CCT6B: variants seen among roughly 807,000 people sequenced by gnomAD.
The protein encoded by CCT6B is probable T-complex protein 1 subunit zeta-2.
CCT6B carries 49 observed loss-of-function variants against 61.5 expected under a neutral mutation model. The ratio of observed to expected loss-of-function variants is 0.80; its 90% CI spans 0.63 to 1.01. The LOEUF is 1.01. Ranked by LOEUF, CCT6B falls within the 50% of genes least tolerant of loss-of-function variation. The probability of loss-of-function intolerance (pLI) is 0.00; values close to 1 mark genes in which losing one functional copy is unlikely to be tolerated. For missense variants in CCT6B, 666 were observed against 634.7 expected (o/e 1.05, Z -0.53); for synonymous variants, 228 against 214.5 (o/e 1.06, Z -0.55).
Position 34,940,617 on chromosome 17 carries a change from A to C in CCT6B, c.890T>G (p.Ile297Ser), listed in dbSNP as rs1384434429. ...AAGAGAATCTAAGGAAAATGGATCAATTCCCTATAATCAAATTAACATAAA... is the reference window on the plus strand; with the variant it reads ...AAGAGAATCTAAGGAAAATGGATCACTTCCCTATAATCAAATTAACATAAA... ...KGFVVINQKG[I>S]DPFSLDSLAK... The change falls in exon 8 of 14, where the codon ATT (isoleucine) becomes AGT (serine). Residue 297 changes from isoleucine to serine, a missense_variant. Physicochemically the swap from Ile to Ser is moderately radical, Grantham distance 142. Coordinates refer to ENST00000314144, the MANE Select transcript of CCT6B (RefSeq NM_006584.4). The C allele has an allele frequency of 6.8e-7, 1 of 1,474,338 alleles. No homozygotes were observed. Among genetic ancestry groups the C allele is most frequent in the Non-Finnish European group, 9.4e-7 (1 of 1,069,330 alleles). The allele number at this position is 1,474,338 out of a possible 1,614,324, so 91.3% of individuals were successfully genotyped here.
intron 5 of CCT6B, chr17:34,944,264 T>G (rs1327277585): frequency 6.6e-6 from 1 of 152,144 alleles, no homozygotes; most frequent in Non-Finnish European, 1.5e-5. Context: ...CACTTGCACT[T>G]GACCCTGAAC....
chr17:34,952,045 C>T lies in CCT6B; in HGVS notation c.519G>A (p.Val173=), dbSNP rs1316229399. 5 of 1,594,544 alleles carry T rather than the reference C, an allele frequency of 3.1e-6. No individual in the cohort carries two copies. The East Asian group carries it at 9.0e-5, about 29-fold the overall frequency. The change falls in exon 5 of 14, where the codon GTG becomes GTA. Residue 173 remains valine, a synonymous_variant. Coordinates refer to ENST00000314144, the MANE Select transcript of CCT6B (RefSeq NM_006584.4). ...GTCTTCTAACAGCCAAAACAGAATC[C>T]ACCACAACCTGAAAGAGAAATGAAT... ...ELADVLTEVV[V]DSVLAVRRPG... is the part of the protein sequence containing the mutation.
chr17:34,950,346 T>C (rs1286101232), intron 5 of CCT6B, among the ~76,000 whole-genome samples: 1 of 151,590 alleles, frequency 6.6e-6, no homozygotes, highest in African/African-American at 2.4e-5. Context: ...AAAAAGTAAA[T>C]TAAATAATAA....
intron 4 of CCT6B, 26 bp from the exon 5 acceptor site, chr17:34,952,079 T>C: frequency 1.4e-6 from 2 of 1,382,532 alleles, no homozygotes; most frequent in Non-Finnish European, 2.1e-6. Context: ...ATGAGAACAG[T>C]TAAGTTATTT....
At chr17:34,932,528 A>T (rs566847617) in intron 10 of CCT6B, 28 bp from the exon 11 acceptor site, 1 of 1,576,562 alleles carries the variant, frequency 6.3e-7, no homozygotes, top group East Asian at 2.3e-5. Flanking sequence ...TATGATTGGC[A>T]AGACATGCCA....
intron 10 of CCT6B, among the ~76,000 whole-genome samples, chr17:34,938,482 G>C (rs765031610): frequency 1.3e-5 from 2 of 152,104 alleles, no homozygotes; most frequent in Non-Finnish European, 2.9e-5. Context: ...CTTGAGCACA[G>C]GGGTTTGAGG....
chr17:34,948,480 C>T (rs1457113776), intron 5 of CCT6B, among the ~76,000 whole-genome samples: 5 of 151,982 alleles, frequency 3.3e-5, no homozygotes, highest in East Asian at 1.9e-4. Context: ...TTTGGGAGGC[C>T]GAGGAGGGTG....
At chr17:34,935,022 A>G (rs191550735) in intron 10 of CCT6B, among the ~76,000 whole-genome samples, 1 of 152,352 alleles carries the variant, frequency 6.6e-6, no homozygotes, top group East Asian at 1.9e-4. Flanking sequence ...CGTTTCCAAT[A>G]ATAGACAAAT....
rs969932610 is a variant in CCT6B, at chr17:34,949,256, G to C, written c.614+2694C>G. On this transcript the variant is annotated intron_variant, in intron 5 of 13. Transcript: ENST00000314144. ...GGATCGCCTGAGGTCGGGAGTTCAAGACCAGCCGGACCAACATGGAGAAAC... is the reference window on the plus strand; with the variant it reads ...GGATCGCCTGAGGTCGGGAGTTCAACACCAGCCGGACCAACATGGAGAAAC... 5.3e-5 allele frequency among the ~76,000 whole-genome samples: 8 copies of C among 151,826 alleles called. 1 individual carries two copies. The highest frequency in any genetic ancestry group is 1.9e-4 in the African/African-American group (8 of 41,408).
At chr17:34,948,953 T>C (rs2090257646) in intron 5 of CCT6B, among the ~76,000 whole-genome samples, 1 of 151,242 alleles carries the variant, frequency 6.6e-6, no homozygotes, top group Non-Finnish European at 1.5e-5. Context: ...GAGGATCACT[T>C]GAGCCCAGGT....
At position 34,939,196 on chromosome 17, in the gene CCT6B, A is replaced by T; in HGVS notation, c.1200T>A (p.Asn400Lys). 1 of 1,613,724 alleles carries T rather than the reference A, an allele frequency of 6.2e-7. No homozygotes were observed. Among genetic ancestry groups the T allele is most frequent in the Non-Finnish European group, 8.5e-7 (1 of 1,179,826 alleles). The change falls in exon 10 of 14, where the codon AAT (asparagine) becomes AAA (lysine). Residue 400 changes from asparagine to lysine, a missense_variant. Physicochemically the swap from Asn to Lys is moderately conservative, Grantham distance 94. Transcript: ENST00000314144. ...GAAAGAGCTTACCATCTTCAATGGC[A>T]TTTTTGATAGCACGAAGTCCATCTC... ...AIRDGLRAIK[N>K]AIEDGCMVPG...
At chr17:34,936,397 C>A (rs1275864019) in intron 10 of CCT6B, among the ~76,000 whole-genome samples, 1 of 152,144 alleles carries the variant, frequency 6.6e-6, no homozygotes, top group East Asian at 1.9e-4. Context: ...GAAAGGATGT[C>A]CATTCTCATT....
At chr17:34,930,506 C>T (rs188266757) in intron 12 of CCT6B, among the ~76,000 whole-genome samples, 195 of 152,226 alleles carry the variant, frequency 1.3e-3, no homozygotes, top group Middle Eastern at 3.4e-3. Flanking sequence ...CACTTCCTTC[C>T]ACTTTTTTTC....
At chr17:34,928,913 A>G in intron 13 of CCT6B, 49 bp downstream of exon 13, 1 of 1,045,856 alleles carries the variant, frequency 9.6e-7, no homozygotes, top group South Asian at 1.4e-5. Flanking sequence ...TCTTAATATT[A>G]TCAATTATAA....
At chr17:34,942,765 T>G in intron 6 of CCT6B, 31 bp downstream of exon 6, 1 of 1,535,998 alleles carries the variant, frequency 6.5e-7, no homozygotes, top group Non-Finnish European at 8.9e-7. Context: ...AAAAAAAAAT[T>G]CAAAAGTTAT....
intron 3 of CCT6B, among the ~76,000 whole-genome samples, chr17:34,955,994 C>T (rs182175797): frequency 5.3e-5 from 8 of 152,286 alleles, no homozygotes; most frequent in African/African-American, 1.7e-4. Context: ...AATCTCTCAT[C>T]CAGACTATCA....
intron 5 of CCT6B, chr17:34,943,725 T>G (rs1174447518): frequency 6.6e-6 from 1 of 151,388 alleles, no homozygotes; most frequent in Non-Finnish European, 1.5e-5. Flanking sequence ...GTAACAAACC[T>G]GCACGTTGTG....
chr17:34,940,752 T>C, intron 7 of CCT6B, 131 bp from the exon 8 acceptor site: 2 of 397,812 alleles, frequency 5.0e-6, no homozygotes, highest in Non-Finnish European at 9.0e-6. Context: ...ATGTAAGCTC[T>C]ATCTATAATA....
intron 1 of CCT6B, among the ~76,000 whole-genome samples, chr17:34,960,845 G>T (rs1172736010): frequency 6.6e-6 from 1 of 152,178 alleles, no homozygotes; most frequent in African/African-American, 2.4e-5. Flanking sequence ...TTGACCCCAT[G>T]CCTTCCTGGC....
Sources: gnomAD v4.1 joint callset for allele counts (sites outside exome capture counted in the v4.1 genomes callset) on GRCh38, gnomAD v4.1.1 for gene constraint, MANE v1.5 for transcripts, NCBI Gene and HGNC (gene_info 2026-07-23, HGNC 2026-07-21) for gene names.